Variants in PPP3CA observed in about 807,000 individuals in gnomAD.
PPP3CA encodes the protein protein phosphatase 3 catalytic subunit alpha.
PPP3CA carries 14 observed loss-of-function variants against 66.5 expected under a neutral mutation model. That is an observed-to-expected ratio of 0.21 (90% CI 0.14 to 0.33). PPP3CA has a LOEUF of 0.33. PPP3CA is among the 10% of genes least tolerant of loss of function. The pLI is 1.00. For synonymous variants in PPP3CA, 232 were observed against 226.2 expected (o/e 1.03, Z -0.23); for missense variants, 317 against 639.5 (o/e 0.50, Z 5.44).
rs542247393 is a variant in PPP3CA, at chr4:101,307,002, T to A, written c.58+39737A>T. Among the ~76,000 whole-genome samples the A allele has an allele frequency of 6.6e-5, 10 of 152,290 alleles. No individual in the cohort carries two copies. The South Asian group carries it at 1.9e-3, about 28-fold the overall frequency. On this transcript the variant is annotated intron_variant, in intron 1 of 13. Coordinates refer to ENST00000394854, the MANE Select transcript of PPP3CA (RefSeq NM_000944.5). ...TATTGAAGGATTATATCTGAGGGAATGCATGCTATGTCTCCTCTCAAGAAC... is the reference window on the plus strand; with the variant it reads ...TATTGAAGGATTATATCTGAGGGAAAGCATGCTATGTCTCCTCTCAAGAAC...
intron 1 of PPP3CA, among the ~76,000 whole-genome samples, chr4:101,205,000 T>C (rs1725088058): frequency 6.7e-6 from 1 of 150,284 alleles, no homozygotes; most frequent in African/African-American, 2.5e-5. Flanking sequence ...TACAACAATA[T>C]TTTCAGCAAA....
At chr4:101,231,092 T>C (rs978773643) in intron 1 of PPP3CA, among the ~76,000 whole-genome samples, 9 of 151,708 alleles carry the variant, frequency 5.9e-5, no homozygotes, top group Non-Finnish European at 1.3e-4. Context: ...ACTACCTCCT[T>C]CAGAATGCTC....
chr4:101,080,399 G>T, intron 8 of PPP3CA, 133 bp downstream of exon 8: 1 of 395,024 alleles, frequency 2.5e-6, no homozygotes, highest in African/African-American at 2.1e-5. Flanking sequence ...CACAAAGTAT[G>T]CATGAAACAA....
chr4:101,181,261 A>G (rs756960946), intron 2 of PPP3CA, among the ~76,000 whole-genome samples: 7 of 152,018 alleles, frequency 4.6e-5, no homozygotes, highest in Non-Finnish European at 1.0e-4. Context: ...ACTTTCACAG[A>G]CTTTTACTGG....
At chr4:101,291,147 A>T (rs1225677921) in intron 1 of PPP3CA, among the ~76,000 whole-genome samples, 2 of 148,536 alleles carry the variant, frequency 1.3e-5, no homozygotes, top group Non-Finnish European at 2.9e-5. Flanking sequence ...CTATTCAGTT[A>T]TTCAGTTACT....
At chr4:101,267,607 A>G (rs1226781601) in intron 1 of PPP3CA, among the ~76,000 whole-genome samples, 1 of 152,184 alleles carries the variant, frequency 6.6e-6, no homozygotes, top group East Asian at 1.9e-4. Flanking sequence ...GATCTGAGGA[A>G]TGGCCTCTAA....
intron 1 of PPP3CA, among the ~76,000 whole-genome samples, chr4:101,260,367 TA>T (rs1236533361): frequency 6.6e-6 from 1 of 152,142 alleles, no homozygotes; most frequent in Non-Finnish European, 1.5e-5. Context: ...GAACACTTCG[TA>T]ATCAAAACAA....
chr4:101,064,919 C>G (rs1365606796), intron 8 of PPP3CA, among the ~76,000 whole-genome samples: 1 of 151,958 alleles, frequency 6.6e-6, no homozygotes, highest in East Asian at 1.9e-4. Flanking sequence ...TAAACTTGTA[C>G]TTGTGAATGG....
intron 10 of PPP3CA, among the ~76,000 whole-genome samples, chr4:101,051,923 T>C (rs1007837264): frequency 2.6e-5 from 4 of 152,148 alleles, no homozygotes; most frequent in Non-Finnish European, 5.9e-5. Context: ...AAATACAGTG[T>C]AAAATCTGGA....
chr4:101,211,557 A>C (rs1725299214), intron 1 of PPP3CA, among the ~76,000 whole-genome samples: 2 of 152,174 alleles, frequency 1.3e-5, no homozygotes, highest in Admixed American at 1.3e-4. Context: ...ACAAGGAACA[A>C]CTGGTTCAGT....
At chr4:101,122,899 C>T (rs1347459201) in intron 2 of PPP3CA, among the ~76,000 whole-genome samples, 1 of 152,132 alleles carries the variant, frequency 6.6e-6, no homozygotes. Context: ...AGGTTTGCTG[C>T]ATTACTACAG....
At chr4:101,246,874 T>G (rs756098412) in intron 1 of PPP3CA, among the ~76,000 whole-genome samples, 1 of 152,174 alleles carries the variant, frequency 6.6e-6, no homozygotes, top group Non-Finnish European at 1.5e-5. Flanking sequence ...CTGAGCCAAT[T>G]GACTTAACCT....
At chr4:101,303,991 G>A (rs1004447110) in intron 1 of PPP3CA, among the ~76,000 whole-genome samples, 8 of 152,004 alleles carry the variant, frequency 5.3e-5, no homozygotes, top group Non-Finnish European at 7.4e-5. Context: ...ATGTGCTGAC[G>A]CCCTGTACAT....
chr4:101,098,042 C>T (rs1179719912), intron 5 of PPP3CA, among the ~76,000 whole-genome samples: 1 of 152,094 alleles, frequency 6.6e-6, no homozygotes, highest in Non-Finnish European at 1.5e-5. Context: ...TAGCATAACA[C>T]ATCATGAATA....
intron 2 of PPP3CA, among the ~76,000 whole-genome samples, chr4:101,136,964 G>A (rs1049353359): frequency 6.6e-6 from 1 of 152,118 alleles, no homozygotes. Context: ...GTTCGTGCAT[G>A]AGCGGGCAAT....
intron 1 of PPP3CA, among the ~76,000 whole-genome samples, chr4:101,303,636 G>A (rs1728448144): frequency 6.6e-6 from 1 of 152,086 alleles, no homozygotes; most frequent in Non-Finnish European, 1.5e-5. Context: ...TATTCACAAT[G>A]TACAGGTTGT....
intron 2 of PPP3CA, among the ~76,000 whole-genome samples, chr4:101,111,599 G>T (rs1721671589): frequency 6.6e-6 from 1 of 152,164 alleles, no homozygotes; most frequent in Admixed American, 6.6e-5. Flanking sequence ...TAGAGGCGGT[G>T]TGGGGTATCA....
At chr4:101,121,216 A>G (rs1364374812) in intron 2 of PPP3CA, among the ~76,000 whole-genome samples, 4 of 151,820 alleles carry the variant, frequency 2.6e-5, no homozygotes, top group Non-Finnish European at 4.4e-5. Context: ...TCCTTTGACA[A>G]AATGCAGAAA....
chr4:101,098,690 T>A (rs565010500), intron 4 of PPP3CA, among the ~76,000 whole-genome samples, 178 bp from the exon 5 acceptor site: 1 of 152,248 alleles, frequency 6.6e-6, no homozygotes, highest in South Asian at 2.1e-4. Context: ...ATCTTTTATA[T>A]CTAGTATTTC....
Sources: gnomAD v4.1 joint callset for allele counts (sites outside exome capture counted in the v4.1 genomes callset) on GRCh38, gnomAD v4.1.1 for gene constraint, MANE v1.5 for transcripts, NCBI Gene and HGNC (gene_info 2026-07-23, HGNC 2026-07-21) for gene names.